RNF157: variants seen among roughly 807,000 people sequenced by gnomAD.
The protein encoded by RNF157 is ring finger protein 157.
RNF157 carries 55 observed loss-of-function variants against 88.3 expected under a neutral mutation model. The observed-to-expected ratio is 0.62, with a 90% CI of 0.50 to 0.78. The LOEUF (loss-of-function observed/expected upper bound fraction) is 0.78. Ranked by LOEUF, RNF157 falls within the 30% of genes least tolerant of loss-of-function variation. RNF157 has a pLI of 0.00. For missense variants in RNF157, 788 were observed against 860.8 expected (o/e 0.92, Z 1.06); for synonymous variants, 334 against 341.2 (o/e 0.98, Z 0.23).
rs866621011 is a variant in RNF157 at position 76,212,376 on chromosome 17, G to A, written c.195C>T (p.Asn65=). 3 of 1,610,856 alleles carry A rather than the reference G, an allele frequency of 1.9e-6. No homozygotes were observed. The highest frequency in any genetic ancestry group is 1.7e-4 in the Middle Eastern group (1 of 6,054). The change falls in exon 2 of 19, where the codon AAC becomes AAT. Residue 65 remains asparagine, a synonymous_variant. Coordinates refer to ENST00000269391, the MANE Select transcript of RNF157 (RefSeq NM_052916.3). ...GENSDLNFLG[N]RPVVFPYAAP... ...ATTACAGCCATACCACAACTGGTCT[G>A]TTCCCCAGAAAGTTCAGATCGCTGT...
In RNF157 at chr17:76,161,692, T is replaced by TAAGAATGAA; in HGVS notation, c.953-54_953-46dup. 6.4e-7 allele frequency: 1 copy of TAAGAATGAA among 1,567,140 alleles called. No individual in the cohort carries two copies. The highest frequency in any genetic ancestry group is 1.4e-5 in the African/African-American group (1 of 73,662). ...CAATCAGGACATCCTGATACAGGAT[T>TAAGAATGAA]AAGAATGAACAAGAGCCCAGACAGA... is the stretch of plus-strand genomic sequence containing the variant. On this transcript the variant is annotated intron_variant, in intron 10 of 18. Transcript: ENST00000269391. The surrounding 1 kb of genome is among the most constrained non-coding windows in gnomAD (Gnocchi z 4.6).
At chr17:76,163,636 T>C (rs1443027757) in intron 8 of RNF157, 1 of 152,300 alleles carries the variant, frequency 6.6e-6, no homozygotes, top group East Asian at 1.9e-4. Context: ...TAGCCATCCC[T>C]TCCCCTAAGA....
intron 2 of RNF157, among the ~76,000 whole-genome samples, chr17:76,179,372 G>GGA (rs1366766327): frequency 6.6e-6 from 1 of 151,370 alleles, no homozygotes; most frequent in Non-Finnish European, 1.5e-5. Context: ...CCAGCTTGGG[G>GGA]GAGAGAGTGA....
In RNF157 at chr17:76,240,156, A is replaced by C. The variant is rs557317893; in HGVS notation, c.85T>G (p.Ser29Ala). 5.6e-5 allele frequency: 76 copies of C among 1,355,838 alleles called. No homozygotes were observed. In the Middle Eastern group the frequency reaches 2.0e-3, roughly 35 times the overall value. The allele number at this position is 1,355,838 out of a possible 1,614,324, so 84.0% of individuals were successfully genotyped here. Residue 29 changes from serine (S) to alanine (A), a missense_variant, in exon 1 of 19, where the codon TCC becomes GCC. Transcript: ENST00000269391. The surrounding 1 kb of genome is among the most constrained non-coding windows in gnomAD (Gnocchi z 4.4). ...SNSVYRYPPKSGSYFASHFIM... is the reference protein window; with the variant it reads ...SNSVYRYPPKAGSYFASHFIM... ...TGCGGCGCCCGCCCGCCCTCACCGG[A>C]CTTGGGCGGGTAGCGGTACACGGAA... is the stretch of plus-strand genomic sequence containing the variant.
At chr17:76,148,716 G>A (rs373781346) in intron 18 of RNF157, among the ~76,000 whole-genome samples, 25 of 151,694 alleles carry the variant, frequency 1.6e-4, no homozygotes, top group Admixed American at 3.9e-4. Context: ...GACCACAGGC[G>A]TACGCCACCA....
intron 2 of RNF157, chr17:76,202,676 C>A: frequency 6.1e-6 from 1 of 164,352 alleles, no homozygotes; most frequent in South Asian, 1.6e-4. Context: ...CTAGGGATCT[C>A]ACCAGGGGTT....
At chr17:76,232,372 G>C (rs923920837) in intron 1 of RNF157, among the ~76,000 whole-genome samples, 2 of 151,482 alleles carry the variant, frequency 1.3e-5, no homozygotes, top group Admixed American at 6.6e-5. Flanking sequence ...TGAGCACTTA[G>C]AGCAAGACTC....
chr17:76,202,874 A>AT (rs1193675703), intron 2 of RNF157: 3 of 151,900 alleles, frequency 2.0e-5, no homozygotes, highest in South Asian at 2.1e-4. Flanking sequence ...TATTTCATGT[A>AT]TTTTTTCTTA....
intron 1 of RNF157, chr17:76,225,774 T>C: frequency 6.5e-7 from 1 of 1,539,120 alleles, no homozygotes; most frequent in Non-Finnish European, 8.7e-7. Context: ...TTCTTCCCCC[T>C]TGCCTTGCGG....
intron 2 of RNF157, among the ~76,000 whole-genome samples, chr17:76,209,625 C>T (rs1229885088): frequency 6.6e-6 from 1 of 152,010 alleles, no homozygotes. Flanking sequence ...ATTTTTATAT[C>T]ATCTTTATGG....
At chr17:76,223,266 C>A (rs1007412873) in intron 1 of RNF157, among the ~76,000 whole-genome samples, 24 of 151,156 alleles carry the variant, frequency 1.6e-4, no homozygotes, top group Non-Finnish European at 2.9e-4. Context: ...CTGCTCGCTG[C>A]AACATCCGCC....
chr17:76,171,265 T>C (rs1407256450), intron 3 of RNF157, among the ~76,000 whole-genome samples: 2 of 152,162 alleles, frequency 1.3e-5, no homozygotes, highest in East Asian at 3.8e-4. Flanking sequence ...CTCGGCTCAC[T>C]GCAACCTCTG....
At chr17:76,164,933 A>G in intron 7 of RNF157, 138 bp from the exon 8 acceptor site, 1 of 596,194 alleles carries the variant, frequency 1.7e-6, no homozygotes, top group Non-Finnish European at 3.0e-6. Context: ...ACCCGCCATC[A>G]ACCACTGTCT....
At chr17:76,200,139 G>A (rs1434326664) in intron 2 of RNF157, among the ~76,000 whole-genome samples, 3 of 152,082 alleles carry the variant, frequency 2.0e-5, no homozygotes, top group Non-Finnish European at 2.9e-5. Context: ...CCACTCCGGA[G>A]GCTGAGGCAG....
rs571306675 is a variant in RNF157, at chr17:76,210,470, G to C, written c.207+1894C>G. Among the ~76,000 whole-genome samples, 487 of 149,572 alleles carry C rather than the reference G, an allele frequency of 3.3e-3. 2 individuals carry two copies. The highest frequency in any genetic ancestry group is 5.9e-3 in the Non-Finnish European group (396 of 67,284). ...CCGGGTGTAGTGGCGGGTGCCTGTA[G>C]TCCCAGCTACTCAGGAGGCTGAGGC... On this transcript the variant is annotated intron_variant, in intron 2 of 18. Transcript: ENST00000269391.
rs2144775114 is a variant in RNF157, at chr17:76,144,313, A to G, written c.*922T>C. 6.7e-6 allele frequency: 1 copy of G among 150,300 alleles called. No homozygotes were observed. Among genetic ancestry groups the G allele is most frequent in the African/African-American group, 2.4e-5 (1 of 40,898 alleles). The allele number at this position is 150,300 out of a possible 1,614,324, so 9.3% of individuals were successfully genotyped here. On this transcript the variant is annotated 3_prime_UTR_variant, in exon 19 of 19. Coordinates refer to ENST00000269391, the MANE Select transcript of RNF157 (RefSeq NM_052916.3). Reference sequence around the variant, plus strand: ...TCTTAACTGGGGGATTCTCAGATTCAAGGGCTCCTTCTTTTTTTTTTTTTT... The same window carrying G: ...TCTTAACTGGGGGATTCTCAGATTCGAGGGCTCCTTCTTTTTTTTTTTTTT...
At chr17:76,197,282 G>A (rs939364247) in intron 2 of RNF157, among the ~76,000 whole-genome samples, 2 of 152,202 alleles carry the variant, frequency 1.3e-5, no homozygotes, top group Admixed American at 1.3e-4. Context: ...GTTACAGTAA[G>A]GACTGTGAAA....
intron 2 of RNF157, among the ~76,000 whole-genome samples, chr17:76,180,600 A>C (rs1010538405): frequency 6.6e-6 from 1 of 151,958 alleles, no homozygotes; most frequent in Admixed American, 6.6e-5. Flanking sequence ...TTATTTTTAA[A>C]TTTTCGTAGA....
At position 76,160,792 on chromosome 17, in the gene RNF157, T is replaced by C. The variant is rs1222797654; in HGVS notation, c.1065+743A>G. On this transcript the variant is annotated intron_variant, in intron 11 of 18. Coordinates refer to ENST00000269391, the MANE Select transcript of RNF157 (RefSeq NM_052916.3). This position sits in a 1 kb window ranked among gnomAD's most constrained non-coding sequence, Gnocchi z 4.3. The stretch of plus-strand genomic sequence containing the variant: ...TCTTGCTTTCAAGCTTAGAGAATCC[T>C]TTCCAATCCAAAGTCAACTAAATAA... Among the ~76,000 whole-genome samples, 2 of 151,832 alleles carry C rather than the reference T, an allele frequency of 1.3e-5. No individual in the cohort carries two copies. The highest frequency in any genetic ancestry group is 4.8e-5 in the African/African-American group (2 of 41,452).
Sources: allele counts gnomAD v4.1 joint callset (sites outside exome capture counted in the v4.1 genomes callset), GRCh38; gene constraint gnomAD v4.1.1; non-coding constraint Gnocchi (gnomAD v3.1); transcripts MANE v1.5; gene names NCBI Gene and HGNC (gene_info 2026-07-23, HGNC 2026-07-21).